The following PDSS2 variants were observed in gnomAD, a reference collection of about 807,000 sequenced individuals.
The protein encoded by PDSS2 is decaprenyl diphosphate synthase subunit 2.
A neutral mutation model predicts 44.5 loss-of-function variants in PDSS2; 31 were observed. The ratio of observed to expected loss-of-function variants is 0.70; its 90% CI spans 0.52 to 0.94. The LOEUF (loss-of-function observed/expected upper bound fraction) is 0.94. PDSS2 is among the 40% of genes least tolerant of loss of function. The pLI, the probability that PDSS2 is intolerant of heterozygous loss-of-function variation, is 0.00. For missense variants in PDSS2, 452 were observed against 482.2 expected, an observed-to-expected ratio of 0.94 and a Z score of 0.59; for synonymous variants, 157 against 180.3, an observed-to-expected ratio of 0.87 and a Z score of 1.03.
Position 107,447,648 on chromosome 6 carries a change from C to G in PDSS2, c.296+11342G>C, listed in dbSNP as rs150819346. ...GCCCCTCTCCTGGCTGCTTTCACAG[C>G]TGGCATTGAGTGTCTGAGGCTTTTC... is the stretch of plus-strand genomic sequence containing the variant. On this transcript the variant is annotated intron_variant, in intron 1 of 7. Coordinates refer to ENST00000369037, the MANE Select transcript of PDSS2 (RefSeq NM_020381.4). Among the ~76,000 whole-genome samples the G allele has an allele frequency of 8.8e-3, 1,337 of 152,326 alleles. 30 individuals carry two copies. Among genetic ancestry groups the G allele is most frequent in the African/African-American group, 0.031 (1,281 of 41,562 alleles).
At chr6:107,240,302 G>A (rs976215414) in intron 4 of PDSS2, among the ~76,000 whole-genome samples, 1 of 152,082 alleles carries the variant, frequency 6.6e-6, no homozygotes, top group East Asian at 1.9e-4. Flanking sequence ...CCAGCTATTC[G>A]GAAGGCAAGG....
intron 3 of PDSS2, among the ~76,000 whole-genome samples, chr6:107,252,741 C>G (rs1774865897): frequency 6.6e-6 from 1 of 152,012 alleles, no homozygotes; most frequent in Admixed American, 6.6e-5. Context: ...CCAGCCTGGG[C>G]AATATAGTGA....
intron 6 of PDSS2, among the ~76,000 whole-genome samples, chr6:107,207,277 C>T (rs1273417570): frequency 6.6e-6 from 1 of 152,114 alleles, no homozygotes; most frequent in Non-Finnish European, 1.5e-5. Context: ...CAGGCATGAG[C>T]CACCACACCC....
At chr6:107,354,207 A>C (rs749172227) in intron 1 of PDSS2, among the ~76,000 whole-genome samples, 4 of 152,230 alleles carry the variant, frequency 2.6e-5, no homozygotes, top group Non-Finnish European at 4.4e-5. Context: ...CTTTGTACAA[A>C]TGTTTTCTCA....
At chr6:107,455,754 CAAAAAAAAAAAA>C (rs60783838) in intron 1 of PDSS2, among the ~76,000 whole-genome samples, 23 of 55,680 alleles carry the variant, frequency 4.1e-4, no homozygotes, top group African/African-American at 1.1e-3. Context: ...GACTCTGTCT[CAAAAAAAAAAAA>C]AAAAAAAAAA....
chr6:107,424,980 A>G (rs1161489961), intron 1 of PDSS2, among the ~76,000 whole-genome samples: 1 of 152,164 alleles, frequency 6.6e-6, no homozygotes, highest in Non-Finnish European at 1.5e-5. Context: ...TTTCCTGCAC[A>G]GTTCTTGTGA....
chr6:107,331,502 G>A (rs1435274698), intron 2 of PDSS2, among the ~76,000 whole-genome samples: 1 of 152,130 alleles, frequency 6.6e-6, no homozygotes, highest in Non-Finnish European at 1.5e-5. Context: ...GGATTATAAT[G>A]ACCATCTGCC....
At chr6:107,165,034 G>T (rs1771291671) in intron 7 of PDSS2, among the ~76,000 whole-genome samples, 1 of 152,056 alleles carries the variant, frequency 6.6e-6, no homozygotes, top group South Asian at 2.1e-4. Context: ...TTGTAAATTT[G>T]TTTGAGTTCT....
intron 2 of PDSS2, among the ~76,000 whole-genome samples, chr6:107,313,724 T>C (rs1353223914): frequency 6.6e-6 from 1 of 152,220 alleles, no homozygotes; most frequent in East Asian, 1.9e-4. Context: ...AGCCTAAATA[T>C]TATGTAACAT....
intron 1 of PDSS2, among the ~76,000 whole-genome samples, chr6:107,421,807 A>AAC (rs33978698): frequency 0.018 from 2,635 of 145,694 alleles, 33 homozygotes; most frequent in East Asian, 0.038. Flanking sequence ...AATTTCACAG[A>AAC]ACACACACAC....
chr6:107,307,660 C>T (rs1325365656), intron 2 of PDSS2, among the ~76,000 whole-genome samples: 1 of 151,848 alleles, frequency 6.6e-6, no homozygotes, highest in African/African-American at 2.4e-5. Flanking sequence ...ATTATATTAC[C>T]TTTCACGTCT....
intron 4 of PDSS2, among the ~76,000 whole-genome samples, chr6:107,225,010 G>A (rs979793553): frequency 4.7e-5 from 7 of 149,208 alleles, no homozygotes; most frequent in African/African-American, 1.8e-4. Flanking sequence ...GTTGTCGGCA[G>A]TAGGCTTTAG....
At position 107,339,564 on chromosome 6, in the gene PDSS2, G is replaced by A. The variant is rs563972891; in HGVS notation, c.297-5232C>T. 5.3e-5 allele frequency among the ~76,000 whole-genome samples: 8 copies of A among 152,292 alleles called. No individual in the cohort carries two copies. In the South Asian group the frequency reaches 8.3e-4, roughly 16 times the overall value. On this transcript the variant is annotated intron_variant, in intron 1 of 7. Coordinates refer to ENST00000369037, the MANE Select transcript of PDSS2 (RefSeq NM_020381.4). ...GTAATAAAAAACGAATCATGAGGAC[G>A]TGTAAAACTACACTGGTAATAGATG...
chr6:107,155,143 T>C (rs1338680886), intron 7 of PDSS2, among the ~76,000 whole-genome samples: 8 of 32,284 alleles, frequency 2.5e-4, no homozygotes, highest in African/African-American at 6.3e-4. Context: ...TATTCTTCCC[T>C]TTTTTTTTTT....
At chr6:107,395,746 A>T (rs1048799176) in intron 1 of PDSS2, among the ~76,000 whole-genome samples, 3 of 152,000 alleles carry the variant, frequency 2.0e-5, no homozygotes, top group African/African-American at 7.2e-5. Flanking sequence ...GTCTGTTTCT[A>T]TTAATTGGTT....
At chr6:107,230,661 A>AG (rs1280814479) in intron 4 of PDSS2, among the ~76,000 whole-genome samples, 48 of 151,996 alleles carry the variant, frequency 3.2e-4, no homozygotes, top group South Asian at 6.2e-4. Flanking sequence ...CTGGACCAGC[A>AG]GACTAGCCAG....
chr6:107,438,438 C>T (rs1276822799), intron 1 of PDSS2, among the ~76,000 whole-genome samples: 1 of 152,144 alleles, frequency 6.6e-6, no homozygotes, highest in Non-Finnish European at 1.5e-5. Flanking sequence ...TGGTCTCGAA[C>T]TCTTGATCTG....
chr6:107,366,663 G>A (rs1422782157), intron 1 of PDSS2, among the ~76,000 whole-genome samples: 1 of 151,824 alleles, frequency 6.6e-6, no homozygotes, highest in African/African-American at 2.4e-5. Flanking sequence ...TGACCCTATA[G>A]GAATTAAAAG....
intron 5 of PDSS2, among the ~76,000 whole-genome samples, chr6:107,211,470 A>G (rs9486562): frequency 0.012 from 1,773 of 151,812 alleles, 35 homozygotes; most frequent in African/African-American, 0.04. Context: ...GGTGGCTCAC[A>G]CCTGTAATCC....
Sources: gnomAD v4.1 joint callset for allele counts (sites outside exome capture counted in the v4.1 genomes callset) on GRCh38, gnomAD v4.1.1 for gene constraint, MANE v1.5 for transcripts, NCBI Gene and HGNC (gene_info 2026-07-23, HGNC 2026-07-21) for gene names.